The following WDR27 variants were observed in gnomAD, a reference collection of about 807,000 sequenced individuals.
WDR27 encodes the protein WD repeat-containing protein 27.
Under a neutral mutation model 114.4 loss-of-function variants are expected in WDR27, and 100 were observed. The ratio of observed to expected loss-of-function variants is 0.87; its 90% CI spans 0.74 to 1.03. WDR27 has a LOEUF of 1.03. Ranked by LOEUF, WDR27 falls within the 50% of genes least tolerant of loss-of-function variation. The pLI, the probability that WDR27 is intolerant of heterozygous loss-of-function variation, is 0.00. For missense variants in WDR27, 1,129 were observed against 1,092.9 expected (o/e 1.03, Z -0.47); for synonymous variants, 449 against 423.1 (o/e 1.06, Z -0.75).
chr6:169,649,548 G>A (rs1039267097), intron 14 of WDR27, among the ~76,000 whole-genome samples: 2 of 151,840 alleles, frequency 1.3e-5, no homozygotes, highest in African/African-American at 4.8e-5. Context: ...TTTCCTTTAA[G>A]TCCAAAGCCC....
In WDR27 at chr6:169,644,728, G is replaced by GTTCACACGAGTCAC. The variant is rs1156306667; in HGVS notation, c.1658-943_1658-942insGTGACTCGTGTGAA. ...ACGAGTCACACTGTAGAAAATCCTA[G>GTTCACACGAGTCAC]GCCGGGCGCGGTGGCTCACGCCTGT... On this transcript the variant is annotated intron_variant, in intron 16 of 25. Coordinates refer to ENST00000448612, the MANE Select transcript of WDR27 (RefSeq NM_182552.5). Among the ~76,000 whole-genome samples, 405 of 120,556 alleles carry GTTCACACGAGTCAC rather than the reference G, an allele frequency of 3.4e-3. 21 individuals are homozygous for GTTCACACGAGTCAC. Among genetic ancestry groups the GTTCACACGAGTCAC allele is most frequent in the East Asian group, 6.4e-3 (14 of 2,176 alleles). 79.1% of individuals were successfully genotyped at this position (120,556 alleles called of 152,430 possible).
At chr6:169,492,121 G>A (rs1390572889) in intron 25 of WDR27, among the ~76,000 whole-genome samples, 1 of 151,574 alleles carries the variant, frequency 6.6e-6, no homozygotes, top group East Asian at 1.9e-4. Context: ...GCAAAGAGAT[G>A]AATGGGCAAA....
intron 25 of WDR27, among the ~76,000 whole-genome samples, chr6:169,515,279 C>G (rs1296329687): frequency 6.6e-6 from 1 of 151,894 alleles, no homozygotes; most frequent in African/African-American, 2.4e-5. Context: ...TTACAATGAC[C>G]AAAGCATAAA....
intron 25 of WDR27, among the ~76,000 whole-genome samples, chr6:169,468,907 G>A (rs1049812156): frequency 3.3e-5 from 5 of 152,142 alleles, no homozygotes; most frequent in African/African-American, 7.2e-5. Context: ...TTCTGACTTT[G>A]TGTTCACATG....
intron 1 of WDR27, among the ~76,000 whole-genome samples, chr6:169,691,537 T>TA (rs571314182): frequency 1.3e-5 from 2 of 152,144 alleles, no homozygotes; most frequent in Non-Finnish European, 2.9e-5. Context: ...TCCCAAAACA[T>TA]AAAACATCTT....
At chr6:169,497,114 AGAG>A (rs1790505857) in intron 25 of WDR27, among the ~76,000 whole-genome samples, 1 of 152,188 alleles carries the variant, frequency 6.6e-6, no homozygotes, top group African/African-American at 2.4e-5. Flanking sequence ...AATTAAATAG[AGAG>A]CCCAGAAATA....
intron 25 of WDR27, among the ~76,000 whole-genome samples, chr6:169,563,941 T>G (rs1341414945): frequency 6.6e-6 from 1 of 152,122 alleles, no homozygotes; most frequent in African/African-American, 2.4e-5. Flanking sequence ...GGGACAGGAC[T>G]CATAGGATAG....
intron 25 of WDR27, among the ~76,000 whole-genome samples, chr6:169,546,253 AC>A (rs1365236035): frequency 6.6e-6 from 1 of 152,228 alleles, no homozygotes; most frequent in African/African-American, 2.4e-5. Context: ...CTGCCCAGCA[AC>A]CCAGCAACTG....
intron 25 of WDR27, among the ~76,000 whole-genome samples, chr6:169,496,201 C>A (rs1203885965): frequency 6.6e-6 from 1 of 151,848 alleles, no homozygotes; most frequent in Non-Finnish European, 1.5e-5. Context: ...AAAAAACACA[C>A]GATTATCTCA....
At chr6:169,631,465 G>A (rs771994298) in intron 21 of WDR27, among the ~76,000 whole-genome samples, 5 of 152,090 alleles carry the variant, frequency 3.3e-5, no homozygotes, top group Non-Finnish European at 7.4e-5. Flanking sequence ...AGATAAAGAC[G>A]CCTGTCGGAG....
chr6:169,552,332 C>T (rs930674130), intron 25 of WDR27, among the ~76,000 whole-genome samples: 2 of 152,170 alleles, frequency 1.3e-5, no homozygotes, highest in African/African-American at 4.8e-5. Context: ...GTTCGTCTCC[C>T]CCACTGCACA....
chr6:169,575,049 ACCC>A (rs1802024928), intron 24 of WDR27, among the ~76,000 whole-genome samples: 1 of 151,580 alleles, frequency 6.6e-6, no homozygotes, highest in Non-Finnish European at 1.5e-5. Flanking sequence ...TTAAACCAGT[ACCC>A]CCCAATTCTT....
At chr6:169,583,542 T>C (rs1313432004) in intron 23 of WDR27, among the ~76,000 whole-genome samples, 7 of 141,582 alleles carry the variant, frequency 4.9e-5, no homozygotes, top group South Asian at 2.3e-4. Flanking sequence ...CACACACACA[T>C]AAAATTCTGG....
intron 25 of WDR27, among the ~76,000 whole-genome samples, chr6:169,462,157 GAA>G (rs1273942381): frequency 6.6e-6 from 1 of 151,478 alleles, no homozygotes; most frequent in African/African-American, 2.4e-5. Flanking sequence ...TCCTGATAAA[GAA>G]AAATCTTAGG....
At chr6:169,534,049 T>C (rs925068772) in intron 25 of WDR27, among the ~76,000 whole-genome samples, 2 of 152,332 alleles carry the variant, frequency 1.3e-5, no homozygotes, top group South Asian at 2.1e-4. Context: ...CTTTATTAGG[T>C]TAAGGAAGCC....
At chr6:169,563,614 G>A (rs1799989665) in intron 25 of WDR27, among the ~76,000 whole-genome samples, 1 of 152,222 alleles carries the variant, frequency 6.6e-6, no homozygotes, top group Non-Finnish European at 1.5e-5. Context: ...GGAAGGCCCT[G>A]GCCACAGGGA....
At chr6:169,599,036 G>A (rs956138665) in intron 23 of WDR27, among the ~76,000 whole-genome samples, 3 of 151,964 alleles carry the variant, frequency 2.0e-5, no homozygotes, top group Non-Finnish European at 2.9e-5. Flanking sequence ...TGTGCACAAC[G>A]TGCAGGTTTG....
chr6:169,447,200 TAAC>T, the WDR27 span, among the ~76,000 whole-genome samples: 5 of 152,248 alleles, frequency 3.3e-5, no homozygotes, highest in Admixed American at 3.3e-4. Flanking sequence ...AAACCAAATT[TAAC>T]AACATTTTTC....
intron 25 of WDR27, among the ~76,000 whole-genome samples, chr6:169,501,662 T>C (rs1486785921): frequency 6.6e-6 from 1 of 152,124 alleles, no homozygotes; most frequent in Non-Finnish European, 1.5e-5. Flanking sequence ...TCTCATTCGG[T>C]GAATCTGTTG....
Sources: allele counts gnomAD v4.1 joint callset (sites outside exome capture counted in the v4.1 genomes callset), GRCh38; gene constraint gnomAD v4.1.1; transcripts MANE v1.5; gene names NCBI Gene and HGNC (gene_info 2026-07-23, HGNC 2026-07-21).